The following EDEM2 variants were observed in gnomAD, a reference collection of about 807,000 sequenced individuals.
EDEM2 encodes ER degradation-enhancing alpha-mannosidase-like protein 2.
A neutral mutation model predicts 64.8 loss-of-function variants in EDEM2; 39 were observed. The observed-to-expected ratio is 0.60, with a 90% CI of 0.47 to 0.79. The LOEUF (loss-of-function observed/expected upper bound fraction) is 0.79, where lower values mean the gene tolerates loss of function less well. EDEM2 is among the 30% of genes least tolerant of loss of function. EDEM2 has a pLI of 0.00. For synonymous variants in EDEM2, 296 were observed against 291.5 expected, an observed-to-expected ratio of 1.02 and a Z score of -0.16; for missense variants, 609 against 731.3, an observed-to-expected ratio of 0.83 and a Z score of 1.93.
chr20:35,141,384 A>C (rs559958242), intron 4 of EDEM2, among the ~76,000 whole-genome samples: 81 of 152,356 alleles, frequency 5.3e-4, no homozygotes, highest in African/African-American at 1.9e-3. Context: ...TATTCCTATC[A>C]GAAATAAAGG....
chr20:35,132,452 G>A (rs908015659), intron 6 of EDEM2, among the ~76,000 whole-genome samples: 1 of 151,946 alleles, frequency 6.6e-6, no homozygotes, highest in Non-Finnish European at 1.5e-5. Context: ...TCAGAAGTCC[G>A]AGACCAACTT....
intron 7 of EDEM2, among the ~76,000 whole-genome samples, chr20:35,130,142 C>G (rs2085488386): frequency 6.6e-6 from 1 of 152,116 alleles, no homozygotes. Context: ...GATCACGGTT[C>G]ACTGCACCCT....
intron 9 of EDEM2, among the ~76,000 whole-genome samples, chr20:35,121,454 G>C (rs533058455): frequency 6.6e-6 from 1 of 152,318 alleles, no homozygotes; most frequent in Non-Finnish European, 1.5e-5. Flanking sequence ...AAATATAGAT[G>C]AAGCTTTGCT....
intron 6 of EDEM2, among the ~76,000 whole-genome samples, chr20:35,132,175 T>C (rs2085514411): frequency 6.6e-6 from 1 of 152,164 alleles, no homozygotes; most frequent in African/African-American, 2.4e-5. Context: ...GTGCTTTACG[T>C]ATTTCCATAA....
chr20:35,134,842 C>T lies in EDEM2; in HGVS notation c.598G>A (p.Val200Ile). 1 of 1,614,156 alleles carries T rather than the reference C, an allele frequency of 6.2e-7. No homozygotes were observed. Among genetic ancestry groups the T allele is most frequent in the Non-Finnish European group, 8.5e-7 (1 of 1,180,046 alleles). ...AGGCTGCTCAGGGTGGCAAATTCAA[C>T]AATGAAGGTCCCAATCCCTGCCGTA... ...TCTAGIGTFI[V>I]EFATLSSLTG... Residue 200 changes from valine (V) to isoleucine (I), a missense_variant, in exon 6 of 11, where the codon GTT becomes ATT. Val to Ile is a conservative substitution (Grantham distance 29, BLOSUM62 3). Coordinates refer to ENST00000374492, the MANE Select transcript of EDEM2 (RefSeq NM_018217.3).
rs180846685 is a variant in EDEM2 at position 35,128,861 on chromosome 20, T to C, written c.845-2486A>G. The stretch of plus-strand genomic sequence containing the variant: ...AATAAGGATATAAATAAAATATTTC[T>C]GTATAGCTGTACAATGTGTTTTAAG... On this transcript the variant is annotated intron_variant, in intron 7 of 10. Coordinates refer to ENST00000374492, the MANE Select transcript of EDEM2 (RefSeq NM_018217.3). 3.8e-4 allele frequency among the ~76,000 whole-genome samples: 58 copies of C among 151,146 alleles called. 4 individuals are homozygous for C. Among genetic ancestry groups the C allele is most frequent in the African/African-American group, 1.4e-3 (56 of 40,806 alleles).
At chr20:35,124,703 CAG>C (rs1212626656) in intron 8 of EDEM2, among the ~76,000 whole-genome samples, 2 of 152,122 alleles carry the variant, frequency 1.3e-5, no homozygotes, top group Non-Finnish European at 1.5e-5. Flanking sequence ...TATAACCTTT[CAG>C]AGTTTCTTTA....
At chr20:35,135,124 C>T (rs955784992) in intron 5 of EDEM2, among the ~76,000 whole-genome samples, 175 bp from the exon 6 acceptor site, 1 of 152,192 alleles carries the variant, frequency 6.6e-6, no homozygotes, top group Non-Finnish European at 1.5e-5. Flanking sequence ...AGCAGCCACC[C>T]AGCCCAGATG....
intron 9 of EDEM2, among the ~76,000 whole-genome samples, chr20:35,121,118 T>A (rs142300716): frequency 6.6e-4 from 100 of 152,374 alleles, no homozygotes; most frequent in Admixed American, 1.4e-3. Context: ...GGTTTTGGGA[T>A]AATTCATGTG....
At chr20:35,134,467 A>C (rs2085547391) in intron 6 of EDEM2, among the ~76,000 whole-genome samples, 1 of 152,212 alleles carries the variant, frequency 6.6e-6, no homozygotes, top group Non-Finnish European at 1.5e-5. Context: ...GGCATGAAAC[A>C]TACGACCCTC....
At chr20:35,126,170 A>C in intron 8 of EDEM2, 81 bp downstream of exon 8, 6 of 1,545,192 alleles carry the variant, frequency 3.9e-6, no homozygotes, top group Non-Finnish European at 5.2e-6. Flanking sequence ...TTAACAAAGT[A>C]CATTATTTGA....
Position 35,147,134 on chromosome 20 carries a change from G to A in EDEM2, c.107+18C>T. 1.9e-6 allele frequency: 3 copies of A among 1,597,218 alleles called. No homozygotes were observed. The highest frequency in any genetic ancestry group is 2.6e-6 in the Non-Finnish European group (3 of 1,169,640). ...CGCTTCCCATTCCCCAACTGCGAAAGGGCGGGTCACAGTTCACCTGTAGTG... is the reference window on the plus strand; with the variant it reads ...CGCTTCCCATTCCCCAACTGCGAAAAGGCGGGTCACAGTTCACCTGTAGTG... On this transcript the variant is annotated intron_variant, in intron 1 of 10. Transcript: ENST00000374492.
chr20:35,140,923 T>C (rs948266480), intron 4 of EDEM2, among the ~76,000 whole-genome samples: 41 of 151,764 alleles, frequency 2.7e-4, no homozygotes, highest in African/African-American at 8.9e-4. Flanking sequence ...AGTTCGAGAC[T>C]AGCCTGGCCA....
chr20:35,140,189 A>C (rs1441465577), intron 4 of EDEM2, among the ~76,000 whole-genome samples: 1 of 152,230 alleles, frequency 6.6e-6, no homozygotes, highest in Non-Finnish European at 1.5e-5. Context: ...AAATAGTCAA[A>C]AAAGTGGTAA....
At position 35,137,941 on chromosome 20, in the gene EDEM2, T is replaced by C. The variant is rs201581145; in HGVS notation, c.429A>G (p.Gly143=). The C allele has an allele frequency of 7.2e-5, 117 of 1,614,138 alleles. 2 individuals are homozygous for C. The Admixed American group carries it at 1.8e-3, about 25-fold the overall frequency. ...TCAGGAGAGGCCCGGAACAGGGCCA[T>C]CCAGCCTCTACTTCCACCCCAGCCT... is the stretch of plus-strand genomic sequence containing the variant. ...SKKAGVEVEA[G]WPCSGPLLRM... is the part of the protein sequence containing the mutation. Residue 143 remains glycine (G), a synonymous_variant, in exon 5 of 11, where the codon GGA becomes GGG. Transcript: ENST00000374492.
Position 35,129,593 on chromosome 20 carries a change from A to G in EDEM2, c.844+2049T>C, listed in dbSNP as rs574517915. Among the ~76,000 whole-genome samples the G allele has an allele frequency of 9.7e-4, 148 of 151,942 alleles. 1 individual carries two copies. Among genetic ancestry groups the G allele is most frequent in the African/African-American group, 3.4e-3 (139 of 41,396 alleles). On this transcript the variant is annotated intron_variant, in intron 7 of 10. Coordinates refer to ENST00000374492, the MANE Select transcript of EDEM2 (RefSeq NM_018217.3). Reference sequence around the variant, plus strand: ...CTCAAAAAAAAAAAAAAAATTTATTACTGGAGAAAGAAAAAAAAATTTAAA... The same window carrying G: ...CTCAAAAAAAAAAAAAAAATTTATTGCTGGAGAAAGAAAAAAAAATTTAAA...
Position 35,131,758 on chromosome 20 carries a change from G to A in EDEM2, c.728C>T (p.Thr243Ile). 1 of 1,614,122 alleles carries A rather than the reference G, an allele frequency of 6.2e-7. No individual in the cohort carries two copies. The highest frequency in any genetic ancestry group is 8.5e-7 in the Non-Finnish European group (1 of 1,180,012). ...TGCGTCCTGGGCCACCCACTTGCCAGTGAGCACATCAATGTGGTTGCCGAC... is the reference window on the plus strand; with the variant it reads ...TGCGTCCTGGGCCACCCACTTGCCAATGAGCACATCAATGTGGTTGCCGAC... ...GLVGNHIDVL[T>I]GKWVAQDAGI... is the part of the protein sequence containing the mutation. The change falls in exon 7 of 11, where the codon ACT (threonine) becomes ATT (isoleucine). Residue 243 changes from threonine to isoleucine, a missense_variant. Coordinates refer to ENST00000374492, the MANE Select transcript of EDEM2 (RefSeq NM_018217.3).
chr20:35,120,380 A>G (rs2085353891), intron 9 of EDEM2, among the ~76,000 whole-genome samples: 1 of 151,932 alleles, frequency 6.6e-6, no homozygotes, highest in African/African-American at 2.4e-5. Context: ...CTTATTTTAG[A>G]GAAAAGGTCT....
chr20:35,131,848 C>T (rs1219963536), intron 6 of EDEM2, 65 bp from the exon 7 acceptor site: 10 of 1,569,116 alleles, frequency 6.4e-6, no homozygotes, highest in Non-Finnish European at 7.8e-6. Flanking sequence ...ATCTACTCAC[C>T]CCCAACCCTG....
Sources: allele counts gnomAD v4.1 joint callset (sites outside exome capture counted in the v4.1 genomes callset), GRCh38; gene constraint gnomAD v4.1.1; transcripts MANE v1.5; gene names NCBI Gene and HGNC (gene_info 2026-07-23, HGNC 2026-07-21).